The following PROSER2 variants were observed in gnomAD, a reference collection of about 807,000 sequenced individuals.
The protein encoded by PROSER2 is proline and serine rich 2, also known as proline and serine-rich protein 2.
A neutral mutation model predicts 14.6 loss-of-function variants in PROSER2; 18 were observed. That is an observed-to-expected ratio of 1.23 (90% confidence interval 0.85 to 1.83). The LOEUF is 1.83. Among genes scored for constraint, PROSER2 ranks in the 40% most tolerant of loss-of-function variants. The pLI is 0.00. For synonymous variants in PROSER2, 367 were observed against 286.4 expected (o/e 1.28, Z -2.84); for missense variants, 823 against 629.8 (o/e 1.31, Z -3.28).
At position 11,823,974 on chromosome 10, in the gene PROSER2, C is replaced by T. The variant is rs1362512885; in HGVS notation, c.-82+504C>T. ...GCGGGGATGTGCAGGGTCTGCCCAG[C>T]CCAGCGCGGCGGGAGGGACTAAAAT... On this transcript the variant is annotated intron_variant, in intron 1 of 3. Coordinates refer to ENST00000277570, the MANE Select transcript of PROSER2 (RefSeq NM_153256.4). The surrounding 1 kb of genome is among the most constrained non-coding windows in gnomAD (Gnocchi z 6.2). 2.0e-5 allele frequency among the ~76,000 whole-genome samples: 3 copies of T among 152,068 alleles called. No homozygotes were observed. Among genetic ancestry groups the T allele is most frequent in the Admixed American group, 2.0e-4 (3 of 15,278 alleles).
intron 2 of PROSER2, among the ~76,000 whole-genome samples, chr10:11,859,933 T>C (rs1463853512): frequency 6.6e-6 from 1 of 152,230 alleles, no homozygotes; most frequent in African/African-American, 2.4e-5. Context: ...TCTCTTTCTT[T>C]TGGGCATCTC....
At position 11,866,446 on chromosome 10, in the gene PROSER2, C is replaced by A; in HGVS notation, c.139-85C>A. On this transcript the variant is annotated intron_variant, in intron 2 of 3. Transcript: ENST00000277570. This position sits in a 1 kb window ranked among gnomAD's most constrained non-coding sequence, Gnocchi z 6.0. ...GTGAGTTCCGCCCTGGGCTGTGGAC[C>A]AATCCCAACTTTGCTTCAGCTTTTG... 1 of 1,543,376 alleles carries A rather than the reference C, an allele frequency of 6.5e-7. No individual in the cohort carries two copies.
At chr10:11,840,723 G>A (rs1012192146) in intron 1 of PROSER2, among the ~76,000 whole-genome samples, 8 of 151,590 alleles carry the variant, frequency 5.3e-5, no homozygotes, top group Admixed American at 2.0e-4. Context: ...TCAGGGGTTC[G>A]AGACCAGCCT....
rs1286725780 is a variant in PROSER2 at position 11,871,515 on chromosome 10, A to G, written c.*1109A>G. The G allele has an allele frequency of 6.6e-6, 1 of 152,276 alleles. No homozygotes were observed. Among genetic ancestry groups the G allele is most frequent in the Admixed American group, 6.5e-5 (1 of 15,286 alleles). The allele number at this position is 152,276 out of a possible 1,614,324, so 9.4% of individuals were successfully genotyped here. A position where few individuals can be genotyped will look rare whatever the true frequency, so the allele number is the denominator to read the frequency against. On this transcript the variant is annotated 3_prime_UTR_variant, in exon 4 of 4. Transcript: ENST00000277570. ...TGTTCCGAGGTAGCCAGTCAACAGA[A>G]GGAAGCAAAAGATTCTTAAAGATCC...
At chr10:11,831,488 A>G (rs1833688562) in intron 1 of PROSER2, among the ~76,000 whole-genome samples, 1 of 152,220 alleles carries the variant, frequency 6.6e-6, no homozygotes, top group Admixed American at 6.5e-5. Flanking sequence ...TTTTTCAAAA[A>G]TGAGCTGAGT....
At chr10:11,851,044 C>T (rs751769467) in intron 1 of PROSER2, 3 of 152,140 alleles carry the variant, frequency 2.0e-5, no homozygotes, top group Admixed American at 6.6e-5. Flanking sequence ...GGCAACATGA[C>T]GAAACTCTGT....
chr10:11,868,115 G>A (rs768297784), intron 3 of PROSER2, among the ~76,000 whole-genome samples: 3 of 152,152 alleles, frequency 2.0e-5, no homozygotes, highest in Non-Finnish European at 4.4e-5. Context: ...GTAATGTACT[G>A]TTCTTTTTTA....
chr10:11,851,511 G>C (rs1224169103), intron 1 of PROSER2: 1 of 152,236 alleles, frequency 6.6e-6, no homozygotes, highest in East Asian at 1.9e-4. Flanking sequence ...TATGGTGGCT[G>C]AGGCAGAAAA....
In PROSER2 at chr10:11,837,397, G is replaced by A. The variant is rs548325803; in HGVS notation, c.-82+13927G>A. 6.6e-6 allele frequency among the ~76,000 whole-genome samples: 1 copy of A among 152,304 alleles called. No individual in the cohort carries two copies. Among genetic ancestry groups the A allele is most frequent in the Admixed American group, 6.5e-5 (1 of 15,304 alleles). On this transcript the variant is annotated intron_variant, in intron 1 of 3. Transcript: ENST00000277570. This position sits in a 1 kb window ranked among gnomAD's most constrained non-coding sequence, Gnocchi z 4.6. Reference sequence around the variant, plus strand: ...ATTTGTAGGTAGAAGACATGAACACGAGCTCCGATTGCTGGCAGACGGGTT... The same window carrying A: ...ATTTGTAGGTAGAAGACATGAACACAAGCTCCGATTGCTGGCAGACGGGTT...
Position 11,870,394 on chromosome 10 carries a change from GGA to G in PROSER2, c.1300_1301del (p.Ser434PhefsTer58), listed in dbSNP as rs1203868384. The part of the protein sequence containing the change: ...EALRKLGLLR[E>X]SS ...CCCTGCGGAAGCTGGGGCTGCTCAG[GGA>G]GAGTTCGTGAGGGCCGCGCGGGCTC... On this transcript the variant is annotated frameshift_variant, in exon 4 of 4. Coordinates refer to ENST00000277570, the MANE Select transcript of PROSER2 (RefSeq NM_153256.4). LOFTEE classifies it high-confidence loss of function. 6.7e-7 allele frequency: 1 copy of G among 1,501,748 alleles called. No individual in the cohort carries two copies. The highest frequency in any genetic ancestry group is 2.4e-5 in the Admixed American group (1 of 42,282). The allele number at this position is 1,501,748 out of a possible 1,614,324, so 93.0% of individuals were successfully genotyped here.
intron 1 of PROSER2, among the ~76,000 whole-genome samples, chr10:11,833,235 C>CTTTTTTTTTTTGTTTTTTTT (rs1833711770): frequency 1.1e-5 from 1 of 87,666 alleles, no homozygotes; most frequent in African/African-American, 4.8e-5. Flanking sequence ...AATGTTGTGG[C>CTTTTTTTTTTTGTTTTTTTT]TTTTTTTTTT....
At chr10:11,824,080 A>G (rs1047054243) in intron 1 of PROSER2, among the ~76,000 whole-genome samples, 1 of 152,232 alleles carries the variant, frequency 6.6e-6, no homozygotes, top group Non-Finnish European at 1.5e-5. Flanking sequence ...AGGCTTTGAA[A>G]GTTTCCCAGT....
At chr10:11,832,586 G>A (rs1019346055) in intron 1 of PROSER2, among the ~76,000 whole-genome samples, 4 of 152,102 alleles carry the variant, frequency 2.6e-5, no homozygotes, top group Non-Finnish European at 4.4e-5. Flanking sequence ...ATGAAGCTGG[G>A]TTAAACGTCC....
chr10:11,854,619 GTTTTT>G (rs11342646), intron 2 of PROSER2, among the ~76,000 whole-genome samples: 1 of 146,346 alleles, frequency 6.8e-6, no homozygotes, highest in African/African-American at 2.5e-5. Flanking sequence ...CCTGCTGAAA[GTTTTT>G]TTTTTTTTTT....
chr10:11,843,057 C>T (rs1205419738), intron 1 of PROSER2, among the ~76,000 whole-genome samples: 1 of 149,468 alleles, frequency 6.7e-6, no homozygotes, highest in Admixed American at 6.7e-5. Flanking sequence ...TCTCCTGCCT[C>T]AGCCTCCCGA....
chr10:11,832,313 A>T (rs1398817743), intron 1 of PROSER2, among the ~76,000 whole-genome samples: 1 of 152,202 alleles, frequency 6.6e-6, no homozygotes, highest in East Asian at 1.9e-4. Flanking sequence ...TTTTGGAAGC[A>T]TTCTTTTCTT....
intron 1 of PROSER2, among the ~76,000 whole-genome samples, chr10:11,835,256 G>T (rs1037755972): frequency 1.3e-5 from 2 of 152,190 alleles, no homozygotes; most frequent in Admixed American, 6.5e-5. Flanking sequence ...ACCTCTGCCT[G>T]AAGTTGGCTC....
intron 2 of PROSER2, chr10:11,863,040 C>A (rs964112683): frequency 2.0e-5 from 3 of 152,212 alleles, no homozygotes; most frequent in Admixed American, 2.0e-4. Flanking sequence ...TTATATCCAA[C>A]AGGTACGCAT....
At chr10:11,853,430 A>C (rs753721345) in intron 2 of PROSER2, among the ~76,000 whole-genome samples, 4 of 152,194 alleles carry the variant, frequency 2.6e-5, no homozygotes, top group Non-Finnish European at 5.9e-5. Flanking sequence ...TCTACTAAAA[A>C]TACAAAAATT....
Sources: allele counts gnomAD v4.1 joint callset (sites outside exome capture counted in the v4.1 genomes callset), GRCh38; gene constraint gnomAD v4.1.1; non-coding constraint Gnocchi (gnomAD v3.1); transcripts MANE v1.5; gene names NCBI Gene and HGNC (gene_info 2026-07-23, HGNC 2026-07-21).